Variants in MME observed in about 807,000 individuals in gnomAD.
The protein encoded by MME is membrane metalloendopeptidase.
Under a neutral mutation model 113.2 loss-of-function variants are expected in MME, and 98 were observed. That is an observed-to-expected ratio of 0.87 (90% confidence interval 0.74 to 1.02). The LOEUF (loss-of-function observed/expected upper bound fraction) is 1.02, where lower values mean the gene tolerates loss of function less well. Among genes scored for constraint, MME ranks in the 50% least tolerant of loss-of-function variants. MME has a pLI of 0.00. For synonymous variants in MME, 292 were observed against 300.6 expected (o/e 0.97, Z 0.30); for missense variants, 836 against 896.0 (o/e 0.93, Z 0.86).
intron 8 of MME, 132 bp from the exon 9 acceptor site, chr3:155,137,970 C>T (rs999131260): frequency 1.1e-5 from 11 of 1,023,826 alleles, no homozygotes; most frequent in Admixed American, 1.9e-5. Flanking sequence ...TCTTTAAATA[C>T]TTAGAAAAGG....
intron 14 of MME, among the ~76,000 whole-genome samples, chr3:155,145,753 AT>A (rs1188322048): frequency 2.6e-5 from 4 of 152,150 alleles, no homozygotes; most frequent in African/African-American, 9.7e-5. Context: ...ATTCACAATA[AT>A]TTTTTTGTGT....
Position 155,096,342 on chromosome 3 carries a change from T to C in MME, c.196+11248T>C, listed in dbSNP as rs541303639. ...TTACCCAAACAAAGGAATAACATTT[T>C]GGTGCCCCTGGTGTGTGAGAGAGCT... On this transcript the variant is annotated intron_variant, in intron 3 of 22. Coordinates refer to ENST00000360490, the MANE Select transcript of MME (RefSeq NM_007289.4). Among the ~76,000 whole-genome samples, 5 of 152,302 alleles carry C rather than the reference T, an allele frequency of 3.3e-5. No homozygotes were observed. In the South Asian group the frequency reaches 1.0e-3, roughly 32 times the overall value.
intron 1 of MME, among the ~76,000 whole-genome samples, chr3:155,062,995 A>C (rs1714201744): frequency 6.9e-6 from 1 of 144,824 alleles, no homozygotes; most frequent in African/African-American, 2.6e-5. Flanking sequence ...AGATAGTGCC[A>C]CTGCACTCCA....
intron 3 of MME, among the ~76,000 whole-genome samples, chr3:155,093,038 T>G (rs183937290): frequency 6.8e-4 from 97 of 142,416 alleles, no homozygotes; most frequent in Admixed American, 1.8e-3. Flanking sequence ...TACAAATTAA[T>G]AACCCAAAGC....
chr3:155,167,034 T>A lies in MME; in HGVS notation c.1780+13T>A. The A allele has an allele frequency of 6.2e-7, 1 of 1,613,456 alleles. No homozygotes were observed. The highest frequency in any genetic ancestry group is 8.5e-7 in the Non-Finnish European group (1 of 1,179,570). ...TTCGATGACAATGGTAAAGTGCAGT[T>A]GACATTTTCCTTTGGCTGAGGTATA... On this transcript the variant is annotated intron_variant, in intron 18 of 22. Coordinates refer to ENST00000360490, the MANE Select transcript of MME (RefSeq NM_007289.4).
intron 3 of MME, among the ~76,000 whole-genome samples, chr3:155,089,532 C>G (rs1407741505): frequency 6.6e-6 from 1 of 152,210 alleles, no homozygotes; most frequent in Non-Finnish European, 1.5e-5. Flanking sequence ...CAAAAAATGT[C>G]TCTAGCCATT....
At chr3:155,099,813 G>A (rs1717046662) in intron 3 of MME, among the ~76,000 whole-genome samples, 1 of 152,180 alleles carries the variant, frequency 6.6e-6, no homozygotes, top group African/African-American at 2.4e-5. Flanking sequence ...GGACATTTGG[G>A]TTGGTTCCAA....
chr3:155,087,201 T>C (rs1347780557), intron 3 of MME, among the ~76,000 whole-genome samples: 1 of 151,932 alleles, frequency 6.6e-6, no homozygotes, highest in Non-Finnish European at 1.5e-5. Flanking sequence ...CGGGAAAATA[T>C]CTGGCAATTC....
intron 1 of MME, among the ~76,000 whole-genome samples, chr3:155,063,988 C>G (rs1576678659): frequency 6.7e-6 from 1 of 150,198 alleles, no homozygotes; most frequent in East Asian, 2.0e-4. Flanking sequence ...AGGACTAATC[C>G]TCATAAGAAG....
intron 8 of MME, among the ~76,000 whole-genome samples, chr3:155,125,887 G>C (rs1576617371): frequency 6.6e-6 from 1 of 152,158 alleles, no homozygotes; most frequent in African/African-American, 2.4e-5. Context: ...TAGCTCAAAA[G>C]TAAGTTATCT....
At chr3:155,028,844 A>T (rs1712872727) in intron 1 of MME, among the ~76,000 whole-genome samples, 1 of 152,106 alleles carries the variant, frequency 6.6e-6, no homozygotes, top group Non-Finnish European at 1.5e-5. Flanking sequence ...TCTTTTTGTT[A>T]CTTACAAGTT....
At chr3:155,172,937 GTGAA>G (rs2108376522) in intron 22 of MME, among the ~76,000 whole-genome samples, 1 of 152,164 alleles carries the variant, frequency 6.6e-6, no homozygotes, top group African/African-American at 2.4e-5. Flanking sequence ...CTAAGAGGCT[GTGAA>G]TGGTTTAGGC....
chr3:155,101,879 G>C (rs1214146060), intron 3 of MME, among the ~76,000 whole-genome samples: 1 of 152,146 alleles, frequency 6.6e-6, no homozygotes, highest in Non-Finnish European at 1.5e-5. Flanking sequence ...TGTGAATGAT[G>C]AATGTTTTAC....
At chr3:155,156,958 T>C (rs928464883) in intron 16 of MME, among the ~76,000 whole-genome samples, 2 of 152,112 alleles carry the variant, frequency 1.3e-5, no homozygotes, top group African/African-American at 4.8e-5. Flanking sequence ...ATCAGTCTGT[T>C]GTCTTCTGCT....
Position 155,143,315 on chromosome 3 carries a change from A to G in MME, c.1189-128A>G, listed in dbSNP as rs1244477062. 1.6e-5 allele frequency: 17 copies of G among 1,073,174 alleles called. No homozygotes were observed. The Admixed American group carries it at 2.5e-4, about 16-fold the overall frequency. The allele number at this position is 1,073,174 out of a possible 1,614,324, so 66.5% of individuals were successfully genotyped here. ...TTACATTTCATCATAGGCTAGGAACATGGGCCTTGTGAGGAGAAGTGATGA... is the reference window on the plus strand; with the variant it reads ...TTACATTTCATCATAGGCTAGGAACGTGGGCCTTGTGAGGAGAAGTGATGA... On this transcript the variant is annotated intron_variant, in intron 12 of 22. Coordinates refer to ENST00000360490, the MANE Select transcript of MME (RefSeq NM_007289.4).
At chr3:155,147,271 G>T in intron 15 of MME, 47 bp downstream of exon 15, 3 of 1,184,610 alleles carry the variant, frequency 2.5e-6, no homozygotes, top group Non-Finnish European at 3.8e-6. Context: ...CTTAGGGCTG[G>T]TAGTAGTGTC....
chr3:155,108,455 G>C (rs1717880093), intron 3 of MME, among the ~76,000 whole-genome samples: 1 of 152,142 alleles, frequency 6.6e-6, no homozygotes, highest in South Asian at 2.1e-4. Context: ...AATTAGCCAA[G>C]CATGGTGGCG....
At chr3:155,081,202 G>A (rs150276165) in intron 1 of MME, 1 of 152,288 alleles carries the variant, frequency 6.6e-6, no homozygotes, top group East Asian at 1.9e-4. Flanking sequence ...GGAACCTGCA[G>A]ATATAAGTTA....
At chr3:155,115,262 G>T in intron 4 of MME, 107 bp downstream of exon 4, 1 of 1,377,260 alleles carries the variant, frequency 7.3e-7, no homozygotes, top group East Asian at 2.4e-5. Context: ...AGATTAAAAA[G>T]TTAATAATCC....
Sources: allele counts gnomAD v4.1 joint callset (sites outside exome capture counted in the v4.1 genomes callset), GRCh38; gene constraint gnomAD v4.1.1; transcripts MANE v1.5; gene names NCBI Gene and HGNC (gene_info 2026-07-23, HGNC 2026-07-21).